PCBP3: variants seen among roughly 807,000 people sequenced by gnomAD.
The protein encoded by PCBP3 is poly(rC)-binding protein 3.
In PCBP3, 25 loss-of-function variants were observed where a neutral mutation model predicts 52.7. That is an observed-to-expected ratio of 0.47 (90% confidence interval 0.35 to 0.66). The LOEUF is 0.66. Ranked by LOEUF, PCBP3 falls within the 30% of genes least tolerant of loss-of-function variation. The pLI is 0.01. For synonymous variants in PCBP3, 162 were observed against 183.0 expected (o/e 0.89, Z 0.93); for missense variants, 391 against 490.3 (o/e 0.80, Z 1.91).
At chr21:45,849,714 G>A (rs981391266) in intron 4 of PCBP3, among the ~76,000 whole-genome samples, 4 of 152,162 alleles carry the variant, frequency 2.6e-5, no homozygotes, top group Non-Finnish European at 4.4e-5. Flanking sequence ...TCATGTAGAC[G>A]TCTCACTTGT....
intron 16 of PCBP3, 64 bp from the exon 17 acceptor site, chr21:45,939,966 G>GC: frequency 6.7e-7 from 1 of 1,500,350 alleles, no homozygotes; most frequent in Non-Finnish European, 9.2e-7. Context: ...CGGGCGCACT[G>GC]CCCACAGTCT....
At position 45,914,085 on chromosome 21, in the gene PCBP3, G is replaced by A. The variant is rs748142291; in HGVS notation, c.675+60G>A. 5.6e-6 allele frequency: 9 copies of A among 1,610,976 alleles called. No homozygotes were observed. The East Asian group carries it at 6.7e-5, about 12-fold the overall frequency. On this transcript the variant is annotated intron_variant, in intron 12 of 17. Coordinates refer to ENST00000681687, the MANE Select transcript of PCBP3 (RefSeq NM_001384156.1). ...ACCTCAGCCTTTTACTGCAGCACCC[G>A]CCGCTGCCCGTTAGTGCACTCAGGT...
rs934208367 is a variant in PCBP3, at chr21:45,724,357, G to A, written c.-199-11035G>A. On this transcript the variant is annotated intron_variant, in intron 2 of 17. Transcript: ENST00000681687. This position sits in a 1 kb window ranked among gnomAD's most constrained non-coding sequence, Gnocchi z 5.3. ...TATGAGAATGCAGTCTTTGGAAGTGGTGGGCTAAAACACTCCACAGGGTGG... is the reference window on the plus strand; with the variant it reads ...TATGAGAATGCAGTCTTTGGAAGTGATGGGCTAAAACACTCCACAGGGTGG... Among the ~76,000 whole-genome samples, 1 of 152,054 alleles carries A rather than the reference G, an allele frequency of 6.6e-6. No homozygotes were observed. Among genetic ancestry groups the A allele is most frequent in the Non-Finnish European group, 1.5e-5 (1 of 68,020 alleles).
chr21:45,811,286 TC>T (rs2092680991), intron 4 of PCBP3, among the ~76,000 whole-genome samples: 1 of 152,170 alleles, frequency 6.6e-6, no homozygotes. Context: ...CACTGGGCTC[TC>T]CGCAGCAGTG....
chr21:45,799,606 C>T (rs1410392000), intron 4 of PCBP3, among the ~76,000 whole-genome samples: 1 of 152,040 alleles, frequency 6.6e-6, no homozygotes, highest in Admixed American at 6.6e-5. Context: ...CAGCCTTCTC[C>T]TCAGAACAGA....
chr21:45,935,686 C>T (rs1569511658), intron 16 of PCBP3, among the ~76,000 whole-genome samples: 1 of 152,226 alleles, frequency 6.6e-6, no homozygotes, highest in East Asian at 1.9e-4. Flanking sequence ...GTATTATCTC[C>T]ATGGGCCCTG....
At chr21:45,759,648 G>A (rs991950514) in intron 4 of PCBP3, among the ~76,000 whole-genome samples, 6 of 152,202 alleles carry the variant, frequency 3.9e-5, no homozygotes, top group Non-Finnish European at 8.8e-5. Context: ...GACATGGAGA[G>A]ACATGGACAA....
At chr21:45,743,999 AATTT>A (rs2086640649) in intron 3 of PCBP3, among the ~76,000 whole-genome samples, 1 of 151,904 alleles carries the variant, frequency 6.6e-6, no homozygotes, top group Admixed American at 6.6e-5. Context: ...GTGTCTATAT[AATTT>A]CTACCATGGT....
chr21:45,705,052 G>T (rs1234479157), intron 2 of PCBP3, among the ~76,000 whole-genome samples: 1 of 152,188 alleles, frequency 6.6e-6, no homozygotes, highest in Non-Finnish European at 1.5e-5. Context: ...TGGCTGTGAG[G>T]AGCTCTCTCT....
At chr21:45,658,378 A>G (rs1197183046) in intron 1 of PCBP3, among the ~76,000 whole-genome samples, 2 of 152,150 alleles carry the variant, frequency 1.3e-5, no homozygotes, top group Non-Finnish European at 2.9e-5. Flanking sequence ...ATCTCAGCTC[A>G]CTGCAGCCTC....
chr21:45,764,760 T>G (rs370393019), intron 4 of PCBP3, among the ~76,000 whole-genome samples: 1 of 152,234 alleles, frequency 6.6e-6, no homozygotes. Flanking sequence ...CTTTATAATG[T>G]TAGTTTTCCA....
intron 2 of PCBP3, among the ~76,000 whole-genome samples, chr21:45,717,212 A>G (rs1310076043): frequency 1.3e-5 from 2 of 152,090 alleles, no homozygotes; most frequent in Non-Finnish European, 1.5e-5. Context: ...ACCTTGTTGA[A>G]CTTTATTATA....
chr21:45,846,272 T>C (rs2093809579), intron 4 of PCBP3, among the ~76,000 whole-genome samples: 2 of 152,220 alleles, frequency 1.3e-5, no homozygotes, highest in South Asian at 4.1e-4. Flanking sequence ...GTTTCTAAAA[T>C]GATATAAATT....
At chr21:45,751,698 T>G (rs1989352485) in intron 3 of PCBP3, 1 of 152,342 alleles carries the variant, frequency 6.6e-6, no homozygotes, top group South Asian at 2.1e-4. Context: ...CTGGGTTCAG[T>G]GGCAGTGCTC....
At chr21:45,873,337 T>G (rs1269329452) in intron 5 of PCBP3, 2 of 152,216 alleles carry the variant, frequency 1.3e-5, no homozygotes, top group Non-Finnish European at 2.9e-5. Flanking sequence ...AACAACTGCA[T>G]GTACCTTGTC....
At position 45,728,349 on chromosome 21, in the gene PCBP3, A is replaced by G. The variant is rs186246845; in HGVS notation, c.-199-7043A>G. 1.7e-3 allele frequency among the ~76,000 whole-genome samples: 266 copies of G among 152,304 alleles called. 1 individual carries two copies. The highest frequency in any genetic ancestry group is 6.1e-3 in the African/African-American group (255 of 41,568). On this transcript the variant is annotated intron_variant, in intron 2 of 17. Transcript: ENST00000681687. Reference sequence around the variant, plus strand: ...TCTCTGTATCTATTGAGATGATCATATGGTGTTTCTTTTTTGTTTATATGG... The same window carrying G: ...TCTCTGTATCTATTGAGATGATCATGTGGTGTTTCTTTTTTGTTTATATGG...
intron 16 of PCBP3, 96 bp from the exon 17 acceptor site, chr21:45,939,934 C>A: frequency 1.8e-6 from 2 of 1,115,342 alleles, no homozygotes; most frequent in Non-Finnish European, 2.6e-6. Context: ...CCAAGGCTGG[C>A]GGCCCGTCCC....
chr21:45,765,718 C>T (rs528054627), intron 4 of PCBP3, among the ~76,000 whole-genome samples: 46 of 152,288 alleles, frequency 3.0e-4, no homozygotes, highest in Non-Finnish European at 2.4e-4. Flanking sequence ...GTCCAGACAT[C>T]GGCTTCAGTT....
intron 4 of PCBP3, among the ~76,000 whole-genome samples, chr21:45,795,262 A>T (rs1319085622): frequency 2.0e-5 from 3 of 151,930 alleles, no homozygotes; most frequent in Non-Finnish European, 4.4e-5. Flanking sequence ...TAGCATTCAT[A>T]ACCCACTCTC....
Sources: gnomAD v4.1 joint callset for allele counts (sites outside exome capture counted in the v4.1 genomes callset) on GRCh38, gnomAD v4.1.1 for gene constraint, Gnocchi (gnomAD v3.1) non-coding constraint, MANE v1.5 for transcripts, NCBI Gene and HGNC (gene_info 2026-07-23, HGNC 2026-07-21) for gene names.